The following DPP10 variants were observed in gnomAD, a reference collection of about 807,000 sequenced individuals.
DPP10 encodes dipeptidyl peptidase like 10, also known as inactive dipeptidyl peptidase 10.
In DPP10, 33 loss-of-function variants were observed where a neutral mutation model predicts 120.9. That is an observed-to-expected ratio of 0.27 (90% confidence interval 0.21 to 0.37). DPP10 has a LOEUF of 0.37. Among genes scored for constraint, DPP10 ranks in the 10% least tolerant of loss-of-function variants. DPP10 has a pLI of 1.00. For missense variants in DPP10, 816 were observed against 942.8 expected (o/e 0.87, Z 1.76); for synonymous variants, 337 against 326.1 (o/e 1.03, Z -0.36).
intron 1 of DPP10, among the ~76,000 whole-genome samples, chr2:114,877,809 T>G (rs1222497868): frequency 6.6e-6 from 1 of 152,018 alleles, no homozygotes; most frequent in Admixed American, 6.6e-5. Context: ...AAATTCTTTT[T>G]GTGGGGGGCT....
chr2:114,460,867 G>A (rs914278027), intron 1 of DPP10, among the ~76,000 whole-genome samples: 24 of 152,252 alleles, frequency 1.6e-4, no homozygotes, highest in Middle Eastern at 6.8e-3. Context: ...TTGATGAAAT[G>A]TTTCCTAACA....
intron 1 of DPP10, among the ~76,000 whole-genome samples, chr2:114,797,297 T>A (rs1207891747): frequency 6.6e-6 from 1 of 152,210 alleles, no homozygotes; most frequent in Non-Finnish European, 1.5e-5. Context: ...TAGTTATCCC[T>A]AAGTTTCTTG....
intron 1 of DPP10, among the ~76,000 whole-genome samples, chr2:114,879,918 G>T (rs114446969): frequency 6.6e-6 from 1 of 152,114 alleles, no homozygotes; most frequent in South Asian, 2.1e-4. Flanking sequence ...GTAATTTAGA[G>T]AATTTAGCAC....
rs28862872 is a variant in DPP10 at position 114,956,791 on chromosome 2, G to A, written c.61-352448G>A. ...GTATGGAGAGCCCAGAAATTAACCTGTGCATTTATGGTCTATTGATTTTTG... is the reference window on the plus strand; with the variant it reads ...GTATGGAGAGCCCAGAAATTAACCTATGCATTTATGGTCTATTGATTTTTG... On this transcript the variant is annotated intron_variant, in intron 1 of 25. Transcript: ENST00000410059. Among the ~76,000 whole-genome samples the A allele has an allele frequency of 3.2e-3, 480 of 152,150 alleles. 1 individual carries two copies. The highest frequency in any genetic ancestry group is 0.011 in the African/African-American group (469 of 41,558).
chr2:115,679,349 G>C (rs1254949305), intron 5 of DPP10, among the ~76,000 whole-genome samples: 2 of 152,138 alleles, frequency 1.3e-5, no homozygotes, highest in African/African-American at 4.8e-5. Flanking sequence ...CTGTTCTCAT[G>C]ATAGTAAGTT....
At chr2:115,034,242 C>T (rs921526804) in intron 1 of DPP10, among the ~76,000 whole-genome samples, 11 of 152,062 alleles carry the variant, frequency 7.2e-5, no homozygotes, top group Non-Finnish European at 1.5e-5. Flanking sequence ...CTTTTTACTC[C>T]TGATTTTCTT....
chr2:115,511,530 A>G (rs2077223148), intron 4 of DPP10, among the ~76,000 whole-genome samples: 1 of 150,454 alleles, frequency 6.6e-6, no homozygotes, highest in Non-Finnish European at 1.5e-5. Flanking sequence ...AGCCTTATTC[A>G]TTTTCTCCAT....
At chr2:114,985,174 T>C (rs1270173134) in intron 1 of DPP10, among the ~76,000 whole-genome samples, 1 of 152,152 alleles carries the variant, frequency 6.6e-6, no homozygotes, top group African/African-American at 2.4e-5. Flanking sequence ...TTATACTGTT[T>C]CCCCTTCAAT....
chr2:114,694,696 A>G (rs949949493), intron 1 of DPP10, among the ~76,000 whole-genome samples: 2 of 152,030 alleles, frequency 1.3e-5, no homozygotes, highest in Non-Finnish European at 2.9e-5. Context: ...AGAACCGTAT[A>G]AGTACAGCAT....
intron 1 of DPP10, among the ~76,000 whole-genome samples, chr2:114,998,133 C>G (rs558746530): frequency 4.3e-4 from 66 of 152,150 alleles, no homozygotes; most frequent in African/African-American, 1.5e-3. Flanking sequence ...AAGTACTTAA[C>G]AGCAAAAAAA....
chr2:114,831,072 A>G (rs543464897), intron 1 of DPP10, among the ~76,000 whole-genome samples: 1 of 132,288 alleles, frequency 7.6e-6, no homozygotes, highest in South Asian at 2.3e-4. Flanking sequence ...AAATTTTCAA[A>G]GAACATCAGA....
intron 2 of DPP10, among the ~76,000 whole-genome samples, chr2:115,333,538 G>T (rs916304345): frequency 6.6e-6 from 1 of 152,066 alleles, no homozygotes; most frequent in Non-Finnish European, 1.5e-5. Context: ...TTACAATTTG[G>T]CATGTTTTTG....
chr2:115,141,867 T>A (rs927292706), intron 1 of DPP10, among the ~76,000 whole-genome samples: 1 of 152,094 alleles, frequency 6.6e-6, no homozygotes, highest in Non-Finnish European at 1.5e-5. Context: ...TCCACCTCCC[T>A]GTTTCAAGCA....
At chr2:115,794,530 G>A (rs1298229743) in intron 19 of DPP10, among the ~76,000 whole-genome samples, 3 of 152,196 alleles carry the variant, frequency 2.0e-5, no homozygotes, top group South Asian at 2.1e-4. Context: ...AAGAGTATGC[G>A]GGATGGAGTA....
At chr2:115,417,908 T>A (rs1431784471) in intron 3 of DPP10, among the ~76,000 whole-genome samples, 1 of 152,052 alleles carries the variant, frequency 6.6e-6, no homozygotes, top group Admixed American at 6.5e-5. Context: ...CATGTGTAGA[T>A]CATTACCTCC....
chr2:115,641,629 T>G (rs866022700), intron 5 of DPP10, among the ~76,000 whole-genome samples: 1 of 152,196 alleles, frequency 6.6e-6, no homozygotes, highest in African/African-American at 2.4e-5. Context: ...AGTTTTCTGC[T>G]ATTATACCGA....
intron 3 of DPP10, among the ~76,000 whole-genome samples, chr2:115,359,877 T>C (rs990658902): frequency 2.0e-5 from 3 of 152,196 alleles, no homozygotes; most frequent in African/African-American, 7.2e-5. Flanking sequence ...ATTCTGAGAT[T>C]ATTTCCTCAG....
intron 1 of DPP10, among the ~76,000 whole-genome samples, chr2:114,561,053 C>G (rs546328779): frequency 6.6e-6 from 1 of 152,158 alleles, no homozygotes; most frequent in Admixed American, 6.5e-5. Context: ...CACAGCACCC[C>G]CTTTCTCCTG....
At chr2:114,892,730 T>G (rs1026430868) in intron 1 of DPP10, among the ~76,000 whole-genome samples, 1 of 152,188 alleles carries the variant, frequency 6.6e-6, no homozygotes, top group Non-Finnish European at 1.5e-5. Flanking sequence ...TTCTATCAGC[T>G]TTCCTTCTCT....
Sources: gnomAD v4.1 joint callset for allele counts (sites outside exome capture counted in the v4.1 genomes callset) on GRCh38, gnomAD v4.1.1 for gene constraint, MANE v1.5 for transcripts, NCBI Gene and HGNC (gene_info 2026-07-23, HGNC 2026-07-21) for gene names.